PCDH7: variants seen among roughly 807,000 people sequenced by gnomAD.
PCDH7 encodes protocadherin 7.
In PCDH7, 17 loss-of-function variants were observed where a neutral mutation model predicts 58.9. The observed-to-expected ratio is 0.29, with a 90% CI of 0.20 to 0.43. PCDH7 has a LOEUF of 0.43. Ranked by LOEUF, PCDH7 falls within the 20% of genes least tolerant of loss-of-function variation. The probability of loss-of-function intolerance (pLI) is 1.00; values close to 1 mark genes in which losing one functional copy is unlikely to be tolerated. For missense variants in PCDH7, 1,274 were observed against 1,441.0 expected (o/e 0.88, Z 1.88); for synonymous variants, 664 against 616.4 (o/e 1.08, Z -1.14).
intron 1 of PCDH7, among the ~76,000 whole-genome samples, chr4:30,857,660 A>G (rs939666606): frequency 6.6e-6 from 1 of 152,124 alleles, no homozygotes; most frequent in Non-Finnish European, 1.5e-5. Flanking sequence ...TCAATACAAC[A>G]AGGTCTATTA....
At chr4:30,791,917 A>G (rs1188123474) in intron 1 of PCDH7, among the ~76,000 whole-genome samples, 3 of 152,242 alleles carry the variant, frequency 2.0e-5, no homozygotes, top group Non-Finnish European at 2.9e-5. Flanking sequence ...AGAATTATAA[A>G]TTGTCATATT....
intron 1 of PCDH7, among the ~76,000 whole-genome samples, chr4:30,835,220 A>AC (rs1730330799): frequency 6.6e-6 from 1 of 151,910 alleles, no homozygotes; most frequent in Non-Finnish European, 1.5e-5. Context: ...AGGGATCCCA[A>AC]CCCCCGGGCC....
chr4:30,966,905 A>G (rs901147458), intron 3 of PCDH7, among the ~76,000 whole-genome samples: 1 of 152,140 alleles, frequency 6.6e-6, no homozygotes, highest in South Asian at 2.1e-4. Flanking sequence ...GAGAGTCTCC[A>G]TTTTAATTTC....
Position 30,721,296 on chromosome 4 carries a change from C to T in PCDH7, c.-127C>T. On this transcript the variant is annotated 5_prime_UTR_variant, in exon 1 of 2. Coordinates refer to ENST00000361762, the Ensembl canonical transcript of PCDH7. The surrounding 1 kb of genome is among the most constrained non-coding windows in gnomAD (Gnocchi z 6.7). ...GCCGCTTTTGCCCCCTCCCTCCCCT[C>T]CCTCTCGCTCCTTCCTTTCCGGGAG... 1.0e-6 allele frequency: 1 copy of T among 972,568 alleles called. No individual in the cohort carries two copies. Among genetic ancestry groups the T allele is most frequent in the Non-Finnish European group, 1.5e-6 (1 of 689,592 alleles). The allele number at this position is 972,568 out of a possible 1,614,324, so 60.2% of individuals were successfully genotyped here. A position where few individuals can be genotyped will look rare whatever the true frequency, so the allele number is the denominator to read the frequency against.
At chr4:30,914,484 A>T (rs1043213071) in intron 1 of PCDH7, among the ~76,000 whole-genome samples, 7 of 152,230 alleles carry the variant, frequency 4.6e-5, no homozygotes, top group Non-Finnish European at 8.8e-5. Flanking sequence ...AATAGCTTTT[A>T]AAAATGTTGA....
intron 3 of PCDH7, among the ~76,000 whole-genome samples, chr4:31,066,035 A>G (rs1009450004): frequency 2.0e-5 from 3 of 152,022 alleles, no homozygotes; most frequent in African/African-American, 7.2e-5. Flanking sequence ...CATCTCATAT[A>G]TAAGTGTTCC....
intron 3 of PCDH7, among the ~76,000 whole-genome samples, chr4:31,093,221 G>T (rs1713492215): frequency 2.0e-5 from 3 of 152,078 alleles, no homozygotes. Flanking sequence ...TAAAATAAGA[G>T]CTGTATGACA....
intron 3 of PCDH7, among the ~76,000 whole-genome samples, chr4:31,111,377 G>A (rs1449684367): frequency 6.7e-6 from 1 of 149,918 alleles, no homozygotes. Context: ...GTGCCACCTC[G>A]GCTCACTGCA....
At chr4:31,047,750 A>C (rs1756401809) in intron 3 of PCDH7, among the ~76,000 whole-genome samples, 1 of 152,092 alleles carries the variant, frequency 6.6e-6, no homozygotes, top group Non-Finnish European at 1.5e-5. Context: ...TGTGAAGATA[A>C]GTATAGCTGA....
chr4:30,811,042 A>C (rs905194651), intron 1 of PCDH7, among the ~76,000 whole-genome samples: 10 of 152,230 alleles, frequency 6.6e-5, no homozygotes, highest in African/African-American at 9.6e-5. Context: ...GCTAATTGTG[A>C]CTATGCATCA....
chr4:31,053,411 G>T (rs1238470499), intron 3 of PCDH7, among the ~76,000 whole-genome samples: 1 of 151,800 alleles, frequency 6.6e-6, no homozygotes, highest in Non-Finnish European at 1.5e-5. Flanking sequence ...TTCCATCGAG[G>T]CCACTAACTT....
At chr4:30,947,493 C>T (rs1275354388) in intron 2 of PCDH7, among the ~76,000 whole-genome samples, 2 of 152,128 alleles carry the variant, frequency 1.3e-5, no homozygotes, top group Non-Finnish European at 2.9e-5. Flanking sequence ...TGGTCTCTAC[C>T]TTTCAAATAC....
At chr4:30,837,381 T>C (rs1730620334) in intron 1 of PCDH7, among the ~76,000 whole-genome samples, 1 of 151,616 alleles carries the variant, frequency 6.6e-6, no homozygotes, top group African/African-American at 2.4e-5. Flanking sequence ...AGCCCTTCTG[T>C]AACTAGCCAG....
intron 3 of PCDH7, among the ~76,000 whole-genome samples, chr4:31,031,928 A>G (rs888079292): frequency 1.2e-4 from 19 of 152,312 alleles, no homozygotes; most frequent in African/African-American, 4.6e-4. Context: ...GCATTTCATG[A>G]TTATTTTAAT....
intron 1 of PCDH7, among the ~76,000 whole-genome samples, chr4:30,806,508 G>T (rs1024704407): frequency 6.6e-6 from 1 of 151,740 alleles, no homozygotes; most frequent in African/African-American, 2.4e-5. Context: ...GTTTCACCAT[G>T]TTGGTCAGGC....
chr4:31,142,692 T>C, exon 4 of PCDH7: 1 of 1,367,712 alleles, frequency 7.3e-7, no homozygotes, highest in Non-Finnish European at 9.8e-7. Context: ...AACAGAAACC[T>C]CCTGAACAAA....
At chr4:31,050,458 C>T (rs572011160) in intron 3 of PCDH7, among the ~76,000 whole-genome samples, 1 of 152,162 alleles carries the variant, frequency 6.6e-6, no homozygotes, top group East Asian at 1.9e-4. Flanking sequence ...AAAAATAAAA[C>T]TATATATACT....
downstream of PCDH7, chr4:31,145,325 T>C (rs1426138297): frequency 2.0e-5 from 3 of 152,092 alleles, no homozygotes; most frequent in African/African-American, 7.2e-5. Flanking sequence ...GTAATTCTAG[T>C]AGAATTAGCT....
At chr4:30,780,448 A>T (rs1281916015) in intron 1 of PCDH7, among the ~76,000 whole-genome samples, 1 of 151,814 alleles carries the variant, frequency 6.6e-6, no homozygotes, top group African/African-American at 2.4e-5. Context: ...CAGAAGTTGC[A>T]GTTAGCTGAG....
Sources: gnomAD v4.1 joint callset for allele counts (sites outside exome capture counted in the v4.1 genomes callset) on GRCh38, gnomAD v4.1.1 for gene constraint, Gnocchi (gnomAD v3.1) non-coding constraint, MANE v1.5 for transcripts, NCBI Gene and HGNC (gene_info 2026-07-23, HGNC 2026-07-21) for gene names.